The following SMARCA4 variants were observed in gnomAD, a reference collection of about 807,000 sequenced individuals.
The protein encoded by SMARCA4 is SWI/SNF related BAF chromatin remodeling complex subunit ATPase 4.
A neutral mutation model predicts 193.9 loss-of-function variants in SMARCA4; 31 were observed. The ratio of observed to expected loss-of-function variants is 0.16; its 90% confidence interval spans 0.12 to 0.22. The LOEUF (loss-of-function observed/expected upper bound fraction) is 0.22. Ranked by LOEUF, SMARCA4 falls within the 10% of genes least tolerant of loss-of-function variation. The probability of loss-of-function intolerance (pLI) is 1.00; values close to 1 mark genes in which losing one functional copy is unlikely to be tolerated. For synonymous variants in SMARCA4, 942 were observed against 933.1 expected (o/e 1.01, Z -0.17); for missense variants, 1,148 against 2,296.0 (o/e 0.50, Z 10.22).
At chr19:11,023,085 C>T (rs1471798022) in intron 19 of SMARCA4, among the ~76,000 whole-genome samples, 6 of 152,192 alleles carry the variant, frequency 3.9e-5, no homozygotes, top group Admixed American at 1.3e-4. Flanking sequence ...TTGGGGCTCC[C>T]GGTGGCAGAG....
chr19:10,995,151 G>T (rs2086908123), intron 9 of SMARCA4, 150 bp downstream of exon 9: 2 of 743,780 alleles, frequency 2.7e-6, no homozygotes, highest in Non-Finnish European at 2.4e-6. Context: ...GGGCTTGGGA[G>T]TCAGTCCTGG....
chr19:10,970,973 T>C (rs1363103250), intron 1 of SMARCA4, among the ~76,000 whole-genome samples: 1 of 151,814 alleles, frequency 6.6e-6, no homozygotes, highest in African/African-American at 2.4e-5. Flanking sequence ...CTGAGGCGGG[T>C]GGATCACCTG....
chr19:10,978,945 T>A (rs2085351007), intron 1 of SMARCA4, among the ~76,000 whole-genome samples: 1 of 151,998 alleles, frequency 6.6e-6, no homozygotes, highest in South Asian at 2.1e-4. Context: ...CAAGACTCTG[T>A]CTCTAAATAA....
intron 1 of SMARCA4, among the ~76,000 whole-genome samples, chr19:10,978,758 C>T (rs957965877): frequency 4.6e-5 from 7 of 151,106 alleles, no homozygotes; most frequent in Admixed American, 2.0e-4. Flanking sequence ...GGCGAAACCC[C>T]GTCTCTACTA....
chr19:11,047,066 A>G (rs1346029642), intron 30 of SMARCA4, among the ~76,000 whole-genome samples: 1 of 152,094 alleles, frequency 6.6e-6, no homozygotes, highest in Non-Finnish European at 1.5e-5. Context: ...TCTTAACTAA[A>G]TTTGAAGCTG....
rs551626161 is a variant in SMARCA4 at position 10,986,784 on chromosome 19, T to C, written c.761-121T>C. On this transcript the variant is annotated intron_variant, in intron 4 of 34. Coordinates refer to ENST00000344626, the MANE Select transcript of SMARCA4 (RefSeq NM_003072.5). The surrounding 1 kb of genome is among the most constrained non-coding windows in gnomAD (Gnocchi z 6.7). ...TGCTTCCCCAGCTCCCCGCTTCCCC[T>C]GGGGCCGCTGGTTAATAGGTGTATC... 280 of 1,222,610 alleles carry C rather than the reference T, an allele frequency of 2.3e-4. 1 individual carries two copies. In the African/African-American group the frequency reaches 3.5e-3, roughly 15 times the overall value. 75.7% of individuals were successfully genotyped at this position (1,222,610 alleles called of 1,614,324 possible).
In SMARCA4 at chr19:11,018,999, C is replaced by G. The variant is rs1451565392; in HGVS notation, c.2481C>G (p.Pro827=). The G allele has an allele frequency of 1.2e-6, 2 of 1,614,164 alleles. No individual in the cohort carries two copies. The highest frequency in any genetic ancestry group is 1.7e-6 in the Non-Finnish European group (2 of 1,179,958). The change falls in exon 17 of 35, where the codon CCC becomes CCG. Residue 827 remains proline (P), a synonymous_variant. Transcript: ENST00000344626. The stretch of plus-strand genomic sequence containing the variant: ...CGTACGAGTTTGACAAGTGGGCCCC[C>G]TCCGTGGTGAAGGTGTCTTACAAGG... ...NWAYEFDKWA[P]SVVKVSYKGS... is the part of the protein sequence containing the mutation.
chr19:11,013,194 C>T (rs1008548058), intron 16 of SMARCA4, 82 bp downstream of exon 16: 59 of 1,477,232 alleles, frequency 4.0e-5, no homozygotes, highest in Non-Finnish European at 5.1e-5. Context: ...CAGTAGAATA[C>T]CACAAACGAG....
At position 11,041,730 on chromosome 19, in the gene SMARCA4, T is replaced by A. The variant is rs1200654942; in HGVS notation, c.4424+170T>A. Among the ~76,000 whole-genome samples, 3 of 152,176 alleles carry A rather than the reference T, an allele frequency of 2.0e-5. No individual in the cohort carries two copies. The South Asian group carries it at 6.2e-4, about 32-fold the overall frequency. On this transcript the variant is annotated intron_variant, in intron 30 of 34. Transcript: ENST00000344626. The surrounding 1 kb of genome is among the most constrained non-coding windows in gnomAD (Gnocchi z 5.6). ...GAGCCTGGCCCTGAGGAACATGCTT[T>A]CTGGAACAGGGAAGCACACATGTAT...
At position 11,033,712 on chromosome 19, in the gene SMARCA4, G is replaced by A; in HGVS notation, c.3775-55G>A. 1.3e-6 allele frequency: 1 copy of A among 780,970 alleles called. No homozygotes were observed. Among genetic ancestry groups the A allele is most frequent in the Non-Finnish European group, 2.4e-6 (1 of 419,688 alleles). The allele number at this position is 780,970 out of a possible 1,614,324, so 48.4% of individuals were successfully genotyped here. A position where few individuals can be genotyped will look rare whatever the true frequency, so the allele number is the denominator to read the frequency against. ...AGTGGTTTTTTTTTCTAAACTGCTG[G>A]TGAAAGACGCCGGATTGACAGCCCT... On this transcript the variant is annotated intron_variant, in intron 26 of 34. Coordinates refer to ENST00000344626, the MANE Select transcript of SMARCA4 (RefSeq NM_003072.5). The surrounding 1 kb of genome is among the most constrained non-coding windows in gnomAD (Gnocchi z 9.8).
intron 8 of SMARCA4, among the ~76,000 whole-genome samples, chr19:10,994,393 G>A (rs1176095027): frequency 1.4e-5 from 2 of 143,834 alleles, no homozygotes; most frequent in South Asian, 2.2e-4. Flanking sequence ...GCACGATCTC[G>A]GCTCACTGCA....
rs557178315 is a variant in SMARCA4, at chr19:10,986,855, G to A, written c.761-50G>A. ...GGGCTGCCCACGGGGCTGGGCGCAG[G>A]CATAAACCTGGGACGCACTGTTTTC... On this transcript the variant is annotated intron_variant, in intron 4 of 34. Coordinates refer to ENST00000344626, the MANE Select transcript of SMARCA4 (RefSeq NM_003072.5). The surrounding 1 kb of genome is among the most constrained non-coding windows in gnomAD (Gnocchi z 6.7). 33 of 1,490,914 alleles carry A rather than the reference G, an allele frequency of 2.2e-5. 1 individual carries two copies. The African/African-American group carries it at 2.6e-4, about 12-fold the overall frequency. The allele number at this position is 1,490,914 out of a possible 1,614,324, so 92.4% of individuals were successfully genotyped here. A position where few individuals can be genotyped will look rare whatever the true frequency, so the allele number is the denominator to read the frequency against.
chr19:11,035,566 C>T lies in SMARCA4; in HGVS notation c.4170+434C>T, dbSNP rs530637856. Among the ~76,000 whole-genome samples the T allele has an allele frequency of 5.4e-4, 82 of 152,292 alleles. 1 individual carries two copies. The highest frequency in any genetic ancestry group is 1.8e-3 in the African/African-American group (73 of 41,558). On this transcript the variant is annotated intron_variant, in intron 29 of 34. Coordinates refer to ENST00000344626, the MANE Select transcript of SMARCA4 (RefSeq NM_003072.5). ...AGGCAGCCTCACTTTGGGCAAGTCC[C>T]CCCCCATGAGCTGGGGAGACTCAGT...
chr19:11,001,143 G>A (rs1237002771), intron 11 of SMARCA4, among the ~76,000 whole-genome samples: 2 of 152,070 alleles, frequency 1.3e-5, no homozygotes, highest in Non-Finnish European at 2.9e-5. Context: ...CAGCCTTGAC[G>A]TCCTGGGCTC....
chr19:11,039,570 TG>T (rs1568523493), intron 29 of SMARCA4: 1 of 1,544,960 alleles, frequency 6.5e-7, no homozygotes, highest in South Asian at 1.2e-5. Context: ...AGAGTTCTGG[TG>T]GTGGGTGGCG....
intron 19 of SMARCA4, among the ~76,000 whole-genome samples, chr19:11,022,933 A>C (rs1393478326): frequency 6.6e-6 from 1 of 152,254 alleles, no homozygotes; most frequent in Non-Finnish European, 1.5e-5. Context: ...GAAGCAATAG[A>C]AGAAAAGTTT....
chr19:11,047,100 C>A (rs563435976), intron 30 of SMARCA4, among the ~76,000 whole-genome samples: 3 of 152,166 alleles, frequency 2.0e-5, no homozygotes, highest in Non-Finnish European at 4.4e-5. Flanking sequence ...ACTCAGGGTC[C>A]ACAGGGTGGG....
chr19:10,992,180 C>T (rs544435720), intron 8 of SMARCA4, among the ~76,000 whole-genome samples: 15 of 148,760 alleles, frequency 1.0e-4, no homozygotes, highest in African/African-American at 3.2e-4. Flanking sequence ...GGTGCAATCT[C>T]GGCTCACTGC....
Position 11,031,295 on chromosome 19 carries a change from T to TG in SMARCA4, c.3546+402_3546+403insG. On this transcript the variant is annotated intron_variant, in intron 25 of 34. Coordinates refer to ENST00000344626, the MANE Select transcript of SMARCA4 (RefSeq NM_003072.5). The surrounding 1 kb of genome is among the most constrained non-coding windows in gnomAD (Gnocchi z 4.3). The stretch of plus-strand genomic sequence containing the variant: ...CAATTGGGGGTAAACTCCATGCCAC[T>TG]TCGTTTACTTCCTCCTCTTGTTCCA... 1 of 283,414 alleles carries TG rather than the reference T, an allele frequency of 3.5e-6. No individual in the cohort carries two copies. The highest frequency in any genetic ancestry group is 4.0e-5 in the South Asian group (1 of 25,032). The allele number at this position is 283,414 out of a possible 1,614,324, so 17.6% of individuals were successfully genotyped here.
Sources: gnomAD v4.1 joint callset for allele counts (sites outside exome capture counted in the v4.1 genomes callset) on GRCh38, gnomAD v4.1.1 for gene constraint, Gnocchi (gnomAD v3.1) non-coding constraint, MANE v1.5 for transcripts, NCBI Gene and HGNC (gene_info 2026-07-23, HGNC 2026-07-21) for gene names.